VWA5B1: variants seen among roughly 807,000 people sequenced by gnomAD.
The protein encoded by VWA5B1 is von Willebrand factor A domain-containing protein 5B1.
Under a neutral mutation model 118.2 loss-of-function variants are expected in VWA5B1, and 115 were observed. That is an observed-to-expected ratio of 0.97 (90% CI 0.84 to 1.14). VWA5B1 has a LOEUF of 1.14. Among genes scored for constraint, VWA5B1 ranks in the 50% most tolerant of loss-of-function variants. VWA5B1 has a pLI of 0.00. For synonymous variants in VWA5B1, 682 were observed against 658.4 expected, an observed-to-expected ratio of 1.04 and a Z score of -0.55; for missense variants, 1,596 against 1,603.8, an observed-to-expected ratio of 1.00 and a Z score of 0.08.
intron 17 of VWA5B1, among the ~76,000 whole-genome samples, chr1:20,347,222 AG>A: frequency 6.6e-6 from 1 of 152,264 alleles, no homozygotes; most frequent in East Asian, 1.9e-4. Context: ...CCACTGGATT[AG>A]ATAAAGTTCA....
At chr1:20,316,654 C>T (rs2089020007) in intron 4 of VWA5B1, among the ~76,000 whole-genome samples, 2 of 152,134 alleles carry the variant, frequency 1.3e-5, no homozygotes, top group African/African-American at 2.4e-5. Flanking sequence ...GGTCCCGAAA[C>T]GTGAGTACTC....
In VWA5B1 at chr1:20,319,389, T is replaced by C. The variant is rs1205539512; in HGVS notation, c.849T>C (p.His283=). The C allele has an allele frequency of 1.3e-6, 2 of 1,551,596 alleles. No individual in the cohort carries two copies. Among genetic ancestry groups the C allele is most frequent in the African/African-American group, 1.4e-5 (1 of 73,046 alleles). Residue 283 remains histidine (H), a synonymous_variant, in exon 7 of 22, where the codon CAT becomes CAC. Transcript: ENST00000289815. ...TCGATCTCATCTCTGCAGAGCCCCATATGCCCCATGTCCTGATAGAGAAAG... is the reference window on the plus strand; with the variant it reads ...TCGATCTCATCTCTGCAGAGCCCCACATGCCCCATGTCCTGATAGAGAAAG... ...VEILIHPSEP[H]MPHVLIEKGD...
intron 14 of VWA5B1, among the ~76,000 whole-genome samples, chr1:20,340,639 A>G (rs1323451416): frequency 6.6e-6 from 1 of 152,192 alleles, no homozygotes. Flanking sequence ...GGGGATATAT[A>G]TGGTCCCAGA....
At chr1:20,320,486 G>T (rs890934471) in intron 7 of VWA5B1, among the ~76,000 whole-genome samples, 5 of 152,230 alleles carry the variant, frequency 3.3e-5, no homozygotes, top group Admixed American at 3.3e-4. Context: ...CTCAGAGTAG[G>T]GGGTGGCAGT....
chr1:20,327,679 G>A (rs976456122), intron 8 of VWA5B1, among the ~76,000 whole-genome samples: 2 of 151,854 alleles, frequency 1.3e-5, no homozygotes, highest in Non-Finnish European at 2.9e-5. Context: ...GGTGGTGGTG[G>A]TGGTGGTGGT....
At chr1:20,299,200 G>A (rs1283067490) in intron 1 of VWA5B1, among the ~76,000 whole-genome samples, 2 of 152,116 alleles carry the variant, frequency 1.3e-5, no homozygotes, top group Non-Finnish European at 2.9e-5. Flanking sequence ...GGTTGGCAAT[G>A]GGAAACTCGG....
At chr1:20,318,769 G>T in intron 6 of VWA5B1, 48 bp downstream of exon 6, 1 of 1,443,302 alleles carries the variant, frequency 6.9e-7, no homozygotes, top group Non-Finnish European at 9.1e-7. Context: ...GGAGGGAGGA[G>T]GTGCTGATCC....
rs1482833884 is a variant in VWA5B1 at position 20,354,597 on chromosome 1, G to A, written c.*334G>A. ...TCCCGGGCTGACTGCTGCTGGGGCT[G>A]GCGAGGGAAGATGCAGTGGAAGCCT... On this transcript the variant is annotated 3_prime_UTR_variant, in exon 22 of 22. Transcript: ENST00000289815. 3.0e-6 allele frequency: 1 copy of A among 328,600 alleles called. No individual in the cohort carries two copies. The highest frequency in any genetic ancestry group is 7.5e-5 in the East Asian group (1 of 13,350). The allele number at this position is 328,600 out of a possible 1,614,324, so 20.4% of individuals were successfully genotyped here.
chr1:20,306,310 A>G (rs1258871813), intron 1 of VWA5B1, among the ~76,000 whole-genome samples: 1 of 151,954 alleles, frequency 6.6e-6, no homozygotes, highest in Non-Finnish European at 1.5e-5. Context: ...GGTGGTCAGA[A>G]GGGAAACCAG....
intron 2 of VWA5B1, 115 bp downstream of exon 2, chr1:20,310,855 G>T: frequency 7.4e-7 from 1 of 1,342,562 alleles, no homozygotes. Flanking sequence ...CTCCGAGTCT[G>T]TTTCCTCATC....
intron 1 of VWA5B1, among the ~76,000 whole-genome samples, chr1:20,295,818 G>A (rs927411154): frequency 6.6e-6 from 1 of 152,164 alleles, no homozygotes; most frequent in Non-Finnish European, 1.5e-5. Context: ...GCCCCATGGA[G>A]GAGTCTGCTT....
chr1:20,312,518 C>G (rs908745511), intron 2 of VWA5B1, among the ~76,000 whole-genome samples: 5 of 152,226 alleles, frequency 3.3e-5, no homozygotes, highest in Non-Finnish European at 5.9e-5. Context: ...ATGGACAAAA[C>G]TGACCACACA....
At chr1:20,315,469 C>T (rs2088978090) in intron 4 of VWA5B1, among the ~76,000 whole-genome samples, 1 of 152,170 alleles carries the variant, frequency 6.6e-6, no homozygotes, top group South Asian at 2.1e-4. Flanking sequence ...GGGTCACAGT[C>T]CAAGGCACTT....
chr1:20,302,710 A>G lies in VWA5B1; in HGVS notation c.-26-7866A>G, dbSNP rs151298389. Among the ~76,000 whole-genome samples the G allele has an allele frequency of 1.8e-3, 272 of 152,310 alleles. 1 individual carries two copies. Among genetic ancestry groups the G allele is most frequent in the Non-Finnish European group, 2.5e-3 (172 of 68,018 alleles). The stretch of plus-strand genomic sequence containing the variant: ...GAGTGGTGCTGACTGTGCTGGTGGC[A>G]GGGGGCAATCTTAGGCAATGCAGGA... On this transcript the variant is annotated intron_variant, in intron 1 of 21. Coordinates refer to ENST00000289815, the MANE Select transcript of VWA5B1 (RefSeq NM_001039500.3).
chr1:20,338,408 G>GA, intron 14 of VWA5B1: 1 of 244,514 alleles, frequency 4.1e-6, no homozygotes, highest in Non-Finnish European at 8.1e-6. Context: ...GGAGTGCAGT[G>GA]GTGCCATCTC....
At chr1:20,330,524 G>A in intron 10 of VWA5B1, 142 bp downstream of exon 10, 1 of 1,084,068 alleles carries the variant, frequency 9.2e-7, no homozygotes, top group Non-Finnish European at 1.3e-6. Context: ...AAGATAGTGT[G>A]GGCTGATTTC....
chr1:20,301,684 A>G (rs2088507916), intron 1 of VWA5B1, among the ~76,000 whole-genome samples: 1 of 152,190 alleles, frequency 6.6e-6, no homozygotes, highest in South Asian at 2.1e-4. Flanking sequence ...GGTGTGCTGG[A>G]GACAGGGACA....
rs34038424 is a variant in VWA5B1 at position 20,342,560 on chromosome 1, G to T, written c.2262G>T (p.Trp754Cys). The T allele has an allele frequency of 3.6e-3, 5,498 of 1,532,440 alleles. 185 individuals carry two copies. In the African/African-American group the frequency reaches 0.068, roughly 19 times the overall value. 94.9% of individuals were successfully genotyped at this position (1,532,440 alleles called of 1,614,324 possible). The part of the protein sequence containing the change: ...FLPWGQETQA[W>C]SPVRERTSDS... ...CCTGGGGCCAGGAGACCCAGGCCTG[G>T]AGCCCTGTGAGAGAGCGGACTTCTG... The change falls in exon 15 of 22, where the codon TGG becomes TGT. Residue 754 changes from tryptophan to cysteine, a missense_variant. Coordinates refer to ENST00000289815, the MANE Select transcript of VWA5B1 (RefSeq NM_001039500.3).
rs778637538 is a variant in VWA5B1 at position 20,350,895 on chromosome 1, A to G, written c.2992A>G (p.Met998Val). Residue 998 changes from methionine (M) to valine (V), a missense_variant, in exon 20 of 22, where the codon ATG (methionine) becomes GTG (valine). Physicochemically the swap from Met to Val is conservative, Grantham distance 21. Coordinates refer to ENST00000289815, the MANE Select transcript of VWA5B1 (RefSeq NM_001039500.3). ...CCTGGCTACAAATACTCTTTCTTCC[A>G]TGAAGGCCTCAGAGAATCTCTTTGG... ...RSLATNTLSS[M>V]KASENLFGSW... The G allele has an allele frequency of 1.7e-5, 27 of 1,551,834 alleles. No homozygotes were observed. The highest frequency in any genetic ancestry group is 1.7e-4 in the South Asian group (14 of 84,060).
Sources: gnomAD v4.1 joint callset for allele counts (sites outside exome capture counted in the v4.1 genomes callset) on GRCh38, gnomAD v4.1.1 for gene constraint, MANE v1.5 for transcripts, NCBI Gene and HGNC (gene_info 2026-07-23, HGNC 2026-07-21) for gene names.